The following KALRN variants were observed in gnomAD, a reference collection of about 807,000 sequenced individuals.
The protein encoded by KALRN is kalirin RhoGEF kinase.
Under a neutral mutation model 353.7 loss-of-function variants are expected in KALRN, and 70 were observed. The ratio of observed to expected loss-of-function variants is 0.20; its 90% CI spans 0.16 to 0.24. KALRN has a LOEUF of 0.24. Among genes scored for constraint, KALRN ranks in the 10% least tolerant of loss-of-function variants. The pLI is 1.00. For synonymous variants in KALRN, 1,391 were observed against 1,434.8 expected, an observed-to-expected ratio of 0.97 and a Z score of 0.69; for missense variants, 2,791 against 3,756.7, an observed-to-expected ratio of 0.74 and a Z score of 6.72.
At chr3:124,250,060 T>TGG (rs200162185) in intron 3 of KALRN, among the ~76,000 whole-genome samples, 6 of 151,516 alleles carry the variant, frequency 4.0e-5, no homozygotes, top group Non-Finnish European at 2.9e-5. Context: ...GGGCATGGCC[T>TGG]GGGGGGGGTG....
chr3:124,517,850 T>C (rs978662007), intron 33 of KALRN, among the ~76,000 whole-genome samples: 1 of 152,232 alleles, frequency 6.6e-6, no homozygotes, highest in Non-Finnish European at 1.5e-5. Context: ...GGTAAACTTT[T>C]GTCAGTTTCT....
intron 15 of KALRN, among the ~76,000 whole-genome samples, chr3:124,426,801 G>T (rs575585031): frequency 6.6e-6 from 1 of 152,144 alleles, no homozygotes; most frequent in African/African-American, 2.4e-5. Context: ...TACTACTATG[G>T]TGAAGATGAC....
chr3:124,139,989 C>A (rs183637648), intron 1 of KALRN, among the ~76,000 whole-genome samples: 1 of 152,210 alleles, frequency 6.6e-6, no homozygotes, highest in Admixed American at 6.5e-5. Flanking sequence ...TCATATTGTA[C>A]CCTAAAGGGC....
At chr3:124,572,218 G>T (rs2073598113) in intron 34 of KALRN, among the ~76,000 whole-genome samples, 1 of 151,752 alleles carries the variant, frequency 6.6e-6, no homozygotes. Flanking sequence ...CAGCTGCTGG[G>T]GGTGGAGGTG....
chr3:124,118,860 T>TTCA (rs2063710079), intron 1 of KALRN, among the ~76,000 whole-genome samples: 3 of 152,222 alleles, frequency 2.0e-5, no homozygotes, highest in Non-Finnish European at 2.9e-5. Context: ...CTATCTCACT[T>TTCA]GAGTCTTTCA....
intron 13 of KALRN, among the ~76,000 whole-genome samples, chr3:124,404,153 G>GGAAAAAAAA (rs537844244): frequency 8.1e-6 from 1 of 123,600 alleles, no homozygotes; most frequent in African/African-American, 3.3e-5. Flanking sequence ...CTGCTCTCTG[G>GGAAAAAAAA]AAAAAAAAAA....
chr3:124,659,916 T>C (rs929377525), intron 43 of KALRN, among the ~76,000 whole-genome samples: 8 of 148,794 alleles, frequency 5.4e-5, no homozygotes, highest in Non-Finnish European at 8.9e-5. Flanking sequence ...ATAATCAATA[T>C]ATATTATAAA....
At chr3:124,179,358 A>G (rs2073239467) in intron 1 of KALRN, among the ~76,000 whole-genome samples, 1 of 152,192 alleles carries the variant, frequency 6.6e-6, no homozygotes, top group African/African-American at 2.4e-5. Context: ...AATCATCAAT[A>G]TCACTGTCTT....
intron 6 of KALRN, among the ~76,000 whole-genome samples, chr3:124,324,812 A>G (rs940945555): frequency 6.6e-6 from 1 of 152,202 alleles, no homozygotes; most frequent in Admixed American, 6.5e-5. Flanking sequence ...ACTCAGTATT[A>G]ATGAACTACA....
In KALRN at chr3:124,446,361, A is replaced by T. The variant is rs2093838895; in HGVS notation, c.3429+85A>T. ...CCAAGGCTTAGTCCAGAAGAGGGCCACAGCAGCAGATTGGGGATGGGAGTG... is the reference window on the plus strand; with the variant it reads ...CCAAGGCTTAGTCCAGAAGAGGGCCTCAGCAGCAGATTGGGGATGGGAGTG... On this transcript the variant is annotated intron_variant, in intron 20 of 59. Coordinates refer to ENST00000682506, the MANE Select transcript of KALRN (RefSeq NM_001388419.1). 3.2e-6 allele frequency: 3 copies of T among 951,174 alleles called. No individual in the cohort carries two copies. In the East Asian group the frequency reaches 7.3e-5, roughly 23 times the overall value. 58.9% of individuals were successfully genotyped at this position (951,174 alleles called of 1,614,324 possible).
At chr3:124,391,812 C>G (rs538815151) in intron 11 of KALRN, among the ~76,000 whole-genome samples, 1 of 152,304 alleles carries the variant, frequency 6.6e-6, no homozygotes, top group African/African-American at 2.4e-5. Flanking sequence ...TCACCTCTCT[C>G]TCTTTACATC....
intron 11 of KALRN, among the ~76,000 whole-genome samples, 171 bp from the exon 12 acceptor site, chr3:124,394,964 C>T (rs767582828): frequency 6.6e-6 from 1 of 152,076 alleles, no homozygotes; most frequent in Non-Finnish European, 1.5e-5. Context: ...TTAGCAAAGA[C>T]TGGTGATGAA....
At chr3:124,621,736 A>C (rs987938233) in intron 34 of KALRN, among the ~76,000 whole-genome samples, 3 of 152,242 alleles carry the variant, frequency 2.0e-5, no homozygotes, top group African/African-American at 7.2e-5. Flanking sequence ...TTTGCTGAGA[A>C]GCCAGCCGTG....
intron 37 of KALRN, among the ~76,000 whole-genome samples, chr3:124,638,335 TAAA>T (rs3836300): frequency 3.4e-5 from 5 of 146,756 alleles, no homozygotes; most frequent in Admixed American, 1.3e-4. Flanking sequence ...CCTTTCTAAT[TAAA>T]AAAAAAAAAA....
rs559905666 is a variant in KALRN at position 124,614,153 on chromosome 3, A to T, written c.5183-18267A>T. 2.6e-5 allele frequency among the ~76,000 whole-genome samples: 4 copies of T among 152,344 alleles called. No homozygotes were observed. In the South Asian group the frequency reaches 8.3e-4, roughly 32 times the overall value. On this transcript the variant is annotated intron_variant, in intron 34 of 59. Transcript: ENST00000682506. Reference sequence around the variant, plus strand: ...GCCCACAAAGGCTAAAATGAACTTTAAATAGAATGTTAAAGCATAGCTTAT... The same window carrying T: ...GCCCACAAAGGCTAAAATGAACTTTTAATAGAATGTTAAAGCATAGCTTAT...
intron 34 of KALRN, among the ~76,000 whole-genome samples, chr3:124,587,161 G>A (rs2651617): frequency 0.15 from 22,406 of 152,134 alleles, 3,844 homozygotes; most frequent in East Asian, 0.43. Flanking sequence ...TCCCTTTTCA[G>A]TTGAACCAGT....
chr3:124,341,460 A>G (rs1213007388), intron 9 of KALRN, among the ~76,000 whole-genome samples: 1 of 152,210 alleles, frequency 6.6e-6, no homozygotes, highest in Non-Finnish European at 1.5e-5. Context: ...TGTGTGATAG[A>G]GGAGAGGGAA....
At chr3:124,363,013 A>C (rs1161394637) in intron 10 of KALRN, among the ~76,000 whole-genome samples, 1 of 152,230 alleles carries the variant, frequency 6.6e-6, no homozygotes, top group Non-Finnish European at 1.5e-5. Context: ...CAAGGTTTGG[A>C]TATCCCAGTT....
At chr3:124,679,716 A>G in intron 51 of KALRN, 199 bp downstream of exon 51, 1 of 653,086 alleles carries the variant, frequency 1.5e-6, no homozygotes, top group Non-Finnish European at 2.8e-6. Context: ...CTCTACCTAG[A>G]TTTTTTTAAA....
Sources: gnomAD v4.1 joint callset for allele counts (sites outside exome capture counted in the v4.1 genomes callset) on GRCh38, gnomAD v4.1.1 for gene constraint, MANE v1.5 for transcripts, NCBI Gene and HGNC (gene_info 2026-07-23, HGNC 2026-07-21) for gene names.